PDE4D: variants seen among roughly 807,000 people sequenced by gnomAD.
PDE4D encodes 3',5'-cyclic-AMP phosphodiesterase 4D.
A neutral mutation model predicts 87.4 loss-of-function variants in PDE4D; 24 were observed. The observed-to-expected ratio is 0.27, with a 90% CI of 0.20 to 0.39. The LOEUF is 0.39. Among genes scored for constraint, PDE4D ranks in the 10% least tolerant of loss-of-function variants. The pLI is 1.00. For synonymous variants in PDE4D, 384 were observed against 383.2 expected, an observed-to-expected ratio of 1.00 and a Z score of -0.02; for missense variants, 714 against 1,041.0, an observed-to-expected ratio of 0.69 and a Z score of 4.32.
At chr5:59,782,370 G>A (rs1349928380) in intron 1 of PDE4D, among the ~76,000 whole-genome samples, 1 of 152,184 alleles carries the variant, frequency 6.6e-6, no homozygotes, top group Non-Finnish European at 1.5e-5. Flanking sequence ...TGACAAATCT[G>A]GGATTTTAGT....
At chr5:60,298,852 A>T (rs1753646782) in intron 1 of PDE4D, among the ~76,000 whole-genome samples, 1 of 152,340 alleles carries the variant, frequency 6.6e-6, no homozygotes, top group East Asian at 1.9e-4. Flanking sequence ...CAAGAGAAAC[A>T]TACCAAATAT....
intron 1 of PDE4D, among the ~76,000 whole-genome samples, chr5:59,326,434 G>GCC (rs570831598): frequency 6.7e-6 from 1 of 150,274 alleles, no homozygotes; most frequent in Non-Finnish European, 1.5e-5. Flanking sequence ...CTATAGAGTA[G>GCC]CCCCCCCCAA....
Position 59,186,940 on chromosome 5 carries a change from T to C in PDE4D, c.685-1678A>G, listed in dbSNP as rs1206758200. Among the ~76,000 whole-genome samples, 5 of 152,346 alleles carry C rather than the reference T, an allele frequency of 3.3e-5. No homozygotes were observed. The South Asian group carries it at 6.2e-4, about 19-fold the overall frequency. ...TAAATGATCCACTGTCGTTAAATCA[T>C]GCAGGCTTAATTTATGTTTTAAGAA... On this transcript the variant is annotated intron_variant, in intron 3 of 14. Transcript: ENST00000340635.
At chr5:60,486,641 T>C (rs1025501015) in intron 1 of PDE4D, among the ~76,000 whole-genome samples, 2 of 152,252 alleles carry the variant, frequency 1.3e-5, no homozygotes, top group African/African-American at 4.8e-5. Flanking sequence ...GGCTAAATCA[T>C]GCCAGTTGTT....
intron 6 of PDE4D, among the ~76,000 whole-genome samples, chr5:59,021,020 T>C (rs960378451): frequency 1.3e-5 from 2 of 152,208 alleles, no homozygotes; most frequent in Non-Finnish European, 2.9e-5. Context: ...ACTACTATCT[T>C]GATATTGATT....
chr5:59,337,546 G>T (rs1777923079), intron 1 of PDE4D, among the ~76,000 whole-genome samples: 1 of 151,838 alleles, frequency 6.6e-6, no homozygotes, highest in Non-Finnish European at 1.5e-5. Flanking sequence ...CACTGTGCTG[G>T]GCACTGTACA....
chr5:59,198,277 C>T (rs925017898), intron 2 of PDE4D, among the ~76,000 whole-genome samples: 6 of 151,716 alleles, frequency 4.0e-5, no homozygotes, highest in African/African-American at 7.3e-5. Flanking sequence ...GATAGGAAGG[C>T]TCAGAAAAAA....
At chr5:59,436,509 G>A (rs1001587445) in intron 1 of PDE4D, among the ~76,000 whole-genome samples, 3 of 152,138 alleles carry the variant, frequency 2.0e-5, no homozygotes, top group Non-Finnish European at 2.9e-5. Context: ...TAGTTTCTCA[G>A]AAATTTTATT....
chr5:60,495,214 T>G (rs982404287), intron 1 of PDE4D, among the ~76,000 whole-genome samples: 1 of 152,212 alleles, frequency 6.6e-6, no homozygotes, highest in African/African-American at 2.4e-5. Flanking sequence ...CTAACTTCAG[T>G]CCATGGTATT....
At chr5:59,081,518 T>TTAAAAAAAAAAAAAAAAAA (rs56306218) in intron 5 of PDE4D, among the ~76,000 whole-genome samples, 3 of 135,424 alleles carry the variant, frequency 2.2e-5, no homozygotes, top group East Asian at 2.2e-4. Flanking sequence ...AGTAATCAGG[T>TTAAAAAAAAAAAAAAAAAA]AAAAAAAAAA....
At chr5:60,303,307 CTTT>C (rs879522679) in intron 1 of PDE4D, among the ~76,000 whole-genome samples, 7 of 127,776 alleles carry the variant, frequency 5.5e-5, no homozygotes, top group Admixed American at 7.8e-5. Context: ...ATCTGGATTT[CTTT>C]TTTTTTTTTT....
intron 1 of PDE4D, among the ~76,000 whole-genome samples, chr5:59,331,659 T>C (rs1014774084): frequency 6.6e-6 from 1 of 152,194 alleles, no homozygotes; most frequent in Non-Finnish European, 1.5e-5. Flanking sequence ...ATAGAAAAAC[T>C]GTTCCACAGC....
chr5:60,225,312 A>C (rs1405217546), intron 1 of PDE4D, among the ~76,000 whole-genome samples: 1 of 152,114 alleles, frequency 6.6e-6, no homozygotes, highest in Non-Finnish European at 1.5e-5. Context: ...CCAGGGCTTT[A>C]GAATTTCAAA....
chr5:59,905,030 C>T (rs1417896812), intron 3 of PDE4D, among the ~76,000 whole-genome samples: 2 of 151,960 alleles, frequency 1.3e-5, no homozygotes, highest in African/African-American at 2.4e-5. Context: ...CACAGTGATA[C>T]AAGATTTTAT....
intron 3 of PDE4D, among the ~76,000 whole-genome samples, chr5:59,980,843 A>G (rs1761852132): frequency 6.6e-6 from 1 of 152,222 alleles, no homozygotes; most frequent in Non-Finnish European, 1.5e-5. Context: ...GCATTTTTAC[A>G]TTGCTTATTT....
rs569770775 is a variant in PDE4D, at chr5:60,183,731, A to C, written c.42+1826T>G. On this transcript the variant is annotated intron_variant, in intron 2 of 16. Transcript: ENST00000502484. ...AGAACTAATTCTTTAAACTTTCTTC[A>C]TCAAAACCAGGAAAAATCTACCTCT... 2.0e-5 allele frequency among the ~76,000 whole-genome samples: 3 copies of C among 152,340 alleles called. No individual in the cohort carries two copies. In the East Asian group the frequency reaches 5.8e-4, roughly 29 times the overall value.
chr5:60,326,960 T>C (rs1756852925), intron 1 of PDE4D, among the ~76,000 whole-genome samples: 1 of 152,128 alleles, frequency 6.6e-6, no homozygotes, highest in Non-Finnish European at 1.5e-5. Context: ...ATAGGTCTTT[T>C]TCAGAAGCTT....
chr5:60,194,266 T>C (rs1234779949), intron 1 of PDE4D, among the ~76,000 whole-genome samples: 1 of 151,622 alleles, frequency 6.6e-6, no homozygotes, highest in East Asian at 1.9e-4. Context: ...GACCTCCATA[T>C]CACAAAATCT....
intron 6 of PDE4D, among the ~76,000 whole-genome samples, chr5:59,011,646 G>C (rs1371411113): frequency 2.0e-5 from 3 of 152,182 alleles, no homozygotes; most frequent in Non-Finnish European, 2.9e-5. Context: ...CAAGAAATAT[G>C]GGACTATGTG....
Sources: allele counts gnomAD v4.1 joint callset (sites outside exome capture counted in the v4.1 genomes callset), GRCh38; gene constraint gnomAD v4.1.1; transcripts MANE v1.5; gene names NCBI Gene and HGNC (gene_info 2026-07-23, HGNC 2026-07-21).